The following LIFR variants were observed in gnomAD, a reference collection of about 807,000 sequenced individuals.
LIFR encodes LIF receptor subunit alpha.
A neutral mutation model predicts 122.2 loss-of-function variants in LIFR; 84 were observed. That is an observed-to-expected ratio of 0.69 (90% CI 0.58 to 0.82). The LOEUF (loss-of-function observed/expected upper bound fraction) is 0.82, where lower values mean the gene tolerates loss of function less well. Ranked by LOEUF, LIFR falls within the 40% of genes least tolerant of loss-of-function variation. LIFR has a pLI of 0.00. For synonymous variants in LIFR, 422 were observed against 434.7 expected (o/e 0.97, Z 0.36); for missense variants, 1,294 against 1,311.6 (o/e 0.99, Z 0.21).
chr5:38,500,291 A>G (rs1185338029), intron 11 of LIFR, among the ~76,000 whole-genome samples: 1 of 152,250 alleles, frequency 6.6e-6, no homozygotes, highest in Non-Finnish European at 1.5e-5. Context: ...ACTGCTAACT[A>G]GAACAATTCC....
At chr5:38,604,100 G>T (rs1483813470) in intron 2 of LIFR, among the ~76,000 whole-genome samples, 1 of 152,146 alleles carries the variant, frequency 6.6e-6, no homozygotes, top group Non-Finnish European at 1.5e-5. Flanking sequence ...CTTCCTATTT[G>T]CCTTGAGGTG....
intron 1 of LIFR, among the ~76,000 whole-genome samples, chr5:38,545,817 A>G (rs1580160178): frequency 4.0e-5 from 6 of 150,522 alleles, no homozygotes; most frequent in East Asian, 1.9e-4. Context: ...AGCCGAGATC[A>G]CGCCACTGCA....
rs1311176971 is a variant in LIFR, at chr5:38,482,137, G to T, written c.2752C>A (p.Pro918Thr). ...VEVLETRSAF[P>T]KIEDTEIISP... ...ATTATTTCTGTATCTTCTATTTTAG[G>T]AAATGCTGATCGAGTTTCCAGAACC... The change falls in exon 20 of 20, where the codon CCT becomes ACT. Residue 918 changes from proline (P) to threonine (T), a missense_variant. Transcript: ENST00000453190. 6.3e-7 allele frequency: 1 copy of T among 1,585,666 alleles called. No individual in the cohort carries two copies. The highest frequency in any genetic ancestry group is 2.2e-5 in the East Asian group (1 of 44,778).
intron 5 of LIFR, 37 bp downstream of exon 5, chr5:38,523,382 T>G: frequency 6.4e-7 from 1 of 1,562,866 alleles, no homozygotes; most frequent in South Asian, 1.1e-5. Context: ...TTCAGTTTCT[T>G]TAATGTCATA....
Position 38,493,745 on chromosome 5 carries a change from C to A in LIFR, c.1926G>T (p.Gly642=), listed in dbSNP as rs778258212. 6.2e-7 allele frequency: 1 copy of A among 1,614,052 alleles called. No individual in the cohort carries two copies. The highest frequency in any genetic ancestry group is 8.5e-7 in the Non-Finnish European group (1 of 1,179,984). Residue 642 remains glycine, a synonymous_variant, in exon 14 of 20, where the codon GGG becomes GGT. Transcript: ENST00000453190. ...GGTCGTAATGCCAGGTGAGGAGAAT[C>A]CCCTTTCCCATCCCAACAACTTGTT... ...KIEQVVGMGK[G]ILLTWHYDPN...
chr5:38,585,335 A>T (rs1580231803), intron 1 of LIFR, among the ~76,000 whole-genome samples: 1 of 152,226 alleles, frequency 6.6e-6, no homozygotes, highest in Non-Finnish European at 1.5e-5. Context: ...GGAACAGATC[A>T]AAAGGGGTTG....
Position 38,481,739 on chromosome 5 carries a change from G to A in LIFR, c.3150C>T (p.Ser1050=). 6.2e-7 allele frequency: 1 copy of A among 1,614,062 alleles called. No homozygotes were observed. Among genetic ancestry groups the A allele is most frequent in the Non-Finnish European group, 8.5e-7 (1 of 1,179,996 alleles). The change falls in exon 20 of 20, where the codon AGC becomes AGT. Residue 1050 remains serine, a synonymous_variant. Transcript: ENST00000453190. ...TTCCAAATGAGACAATCTCACTGTTGCTGTCTATGGATCTAGGAGAGTCTG... is the reference window on the plus strand; with the variant it reads ...TTCCAAATGAGACAATCTCACTGTTACTGTCTATGGATCTAGGAGAGTCTG... The part of the protein sequence containing the change: ...VSPDSPRSID[S]NSEIVSFGSP...
At chr5:38,593,580 G>C (rs1169534865) in intron 1 of LIFR, among the ~76,000 whole-genome samples, 3 of 151,576 alleles carry the variant, frequency 2.0e-5, no homozygotes, top group Non-Finnish European at 4.4e-5. Context: ...AGAGGAGGGG[G>C]ATAGACGGGT....
At chr5:38,497,994 C>A (rs1232997365) in intron 12 of LIFR, among the ~76,000 whole-genome samples, 3 of 152,154 alleles carry the variant, frequency 2.0e-5, no homozygotes, top group Admixed American at 2.0e-4. Context: ...AGTGAACTTA[C>A]TGTATAAAAA....
chr5:38,497,781 T>C (rs971607502), intron 12 of LIFR, among the ~76,000 whole-genome samples: 1 of 152,202 alleles, frequency 6.6e-6, no homozygotes, highest in Non-Finnish European at 1.5e-5. Context: ...TATGCTAATA[T>C]ACGCTTGTCC....
intron 11 of LIFR, 126 bp from the exon 12 acceptor site, chr5:38,499,709 A>C (rs544148708): frequency 1.4e-6 from 1 of 723,952 alleles, no homozygotes; most frequent in Middle Eastern, 3.8e-4. Flanking sequence ...GCTTCCACTT[A>C]GAAAATGAAG....
chr5:38,529,867 C>A (rs1302299668), intron 2 of LIFR, among the ~76,000 whole-genome samples: 1 of 151,892 alleles, frequency 6.6e-6, no homozygotes, highest in Non-Finnish European at 1.5e-5. Context: ...CAGCACTAAT[C>A]ATAATAATAA....
Position 38,481,760 on chromosome 5 carries a change from G to C in LIFR, c.3129C>G (p.Asp1043Glu). The change falls in exon 20 of 20, where the codon GAC (aspartate) becomes GAG (glutamate). Residue 1043 changes from aspartate to glutamate, a missense_variant. Asp to Glu is a conservative substitution (Grantham distance 45, BLOSUM62 2). Transcript: ENST00000453190. ...TGTTGCTGTCTATGGATCTAGGAGA[G>C]TCTGGAGACACTAAATTCCATGTAT... Reference protein sequence around the residue: ...NVNTWNLVSPDSPRSIDSNSE... With the variant: ...NVNTWNLVSPESPRSIDSNSE... The C allele has an allele frequency of 6.2e-7, 1 of 1,614,094 alleles. No homozygotes were observed. Among genetic ancestry groups the C allele is most frequent in the Non-Finnish European group, 8.5e-7 (1 of 1,180,018 alleles).
At chr5:38,591,376 T>A (rs1749916503) in intron 1 of LIFR, among the ~76,000 whole-genome samples, 1 of 152,254 alleles carries the variant, frequency 6.6e-6, no homozygotes, top group Non-Finnish European at 1.5e-5. Flanking sequence ...CTTTTTTGTA[T>A]GCAAAGATTT....
chr5:38,546,075 T>C (rs1580160891), intron 1 of LIFR, among the ~76,000 whole-genome samples: 2 of 152,164 alleles, frequency 1.3e-5, no homozygotes, highest in Non-Finnish European at 2.9e-5. Context: ...GTGAAATTTA[T>C]TGGAGAAGGG....
chr5:38,493,932 T>C (rs1744737220), intron 13 of LIFR, 147 bp from the exon 14 acceptor site: 1 of 696,320 alleles, frequency 1.4e-6, no homozygotes, highest in Non-Finnish European at 2.5e-6. Flanking sequence ...AGAGCAAAGA[T>C]TAGAAGTGTT....
chr5:38,569,264 C>G (rs866593050), intron 1 of LIFR, among the ~76,000 whole-genome samples: 1 of 152,214 alleles, frequency 6.6e-6, no homozygotes, highest in Non-Finnish European at 1.5e-5. Context: ...TCTTTATTGC[C>G]TACACAATGA....
At chr5:38,486,093 C>A (rs1744273279) in intron 16 of LIFR, 113 bp from the exon 17 acceptor site, 2 of 911,006 alleles carry the variant, frequency 2.2e-6, no homozygotes. Context: ...GAGGCCATCC[C>A]AGCCAAGGAC....
chr5:38,565,803 G>T (rs112905229), intron 1 of LIFR, among the ~76,000 whole-genome samples: 5,068 of 152,038 alleles, frequency 0.033, 268 homozygotes, highest in African/African-American at 0.11. Context: ...GGCTGGTCTC[G>T]AACTCCAGAC....
Sources: allele counts gnomAD v4.1 joint callset (sites outside exome capture counted in the v4.1 genomes callset), GRCh38; gene constraint gnomAD v4.1.1; transcripts MANE v1.5; gene names NCBI Gene and HGNC (gene_info 2026-07-23, HGNC 2026-07-21).